KCNN3: variants seen among roughly 807,000 people sequenced by gnomAD.
KCNN3 encodes the protein small conductance calcium-activated potassium channel protein 3.
In KCNN3, 16 loss-of-function variants were observed where a neutral mutation model predicts 62.9. The observed-to-expected ratio is 0.25, with a 90% CI of 0.17 to 0.39. The LOEUF is 0.39. KCNN3 is among the 10% of genes least tolerant of loss of function. The pLI is 1.00. For missense variants in KCNN3, 599 were observed against 949.4 expected, an observed-to-expected ratio of 0.63 and a Z score of 4.85; for synonymous variants, 370 against 389.2, an observed-to-expected ratio of 0.95 and a Z score of 0.58.
chr1:154,765,144 C>A (rs867275397), intron 3 of KCNN3, among the ~76,000 whole-genome samples: 2 of 152,248 alleles, frequency 1.3e-5, no homozygotes, highest in South Asian at 2.1e-4. Context: ...AGGGGTGGCT[C>A]CTCCTGTCCC....
rs535960964 is a variant in KCNN3, at chr1:154,793,966, C to T, written c.1030-21573G>A. 7.9e-5 allele frequency among the ~76,000 whole-genome samples: 12 copies of T among 152,280 alleles called. No individual in the cohort carries two copies. In the South Asian group the frequency reaches 1.0e-3, roughly 13 times the overall value. On this transcript the variant is annotated intron_variant, in intron 2 of 7. Transcript: ENST00000271915. Reference sequence around the variant, plus strand: ...GTTCCTCACTGATGCATCCAGCCCTCGAATGTGCACAGCACTGTCCCAGGG... The same window carrying T: ...GTTCCTCACTGATGCATCCAGCCCTTGAATGTGCACAGCACTGTCCCAGGG...
rs1699906568 is a variant in KCNN3 at position 154,703,449 on chromosome 1, G to A, written c.*4527C>T. 1 of 152,180 alleles carries A rather than the reference G, an allele frequency of 6.6e-6. No homozygotes were observed. The highest frequency in any genetic ancestry group is 2.4e-5 in the African/African-American group (1 of 41,456). 9.4% of individuals were successfully genotyped at this position (152,180 alleles called of 1,614,324 possible). ...AATCAAACCCTGCAGAGTCAATAGG[G>A]ATCCTTCATCTGCTTCTAGCAACTC... is the stretch of plus-strand genomic sequence containing the variant. On this transcript the variant is annotated 3_prime_UTR_variant, in exon 8 of 8. Transcript: ENST00000271915.
chr1:154,712,176 T>C (rs1330197695), intron 7 of KCNN3, among the ~76,000 whole-genome samples: 3 of 152,218 alleles, frequency 2.0e-5, no homozygotes, highest in Admixed American at 1.3e-4. Context: ...TCCTGCAGTC[T>C]GGCCACATGT....
chr1:154,825,598 C>G, intron 1 of KCNN3, among the ~76,000 whole-genome samples: 1 of 151,056 alleles, frequency 6.6e-6, no homozygotes, highest in African/African-American at 2.4e-5. Flanking sequence ...GATCTCCTGG[C>G]CTCAAGTGAT....
intron 2 of KCNN3, among the ~76,000 whole-genome samples, chr1:154,788,513 G>A (rs1231039984): frequency 6.6e-6 from 1 of 152,164 alleles, no homozygotes; most frequent in Non-Finnish European, 1.5e-5. Flanking sequence ...GGAACACTGG[G>A]AAATGCAGGG....
rs1699893804 is a variant in KCNN3, at chr1:154,703,162, C to T, written c.*4814G>A. 6.6e-6 allele frequency: 1 copy of T among 152,138 alleles called. No homozygotes were observed. Among genetic ancestry groups the T allele is most frequent in the Admixed American group, 6.5e-5 (1 of 15,272 alleles). The allele number at this position is 152,138 out of a possible 1,614,324, so 9.4% of individuals were successfully genotyped here. A position where few individuals can be genotyped will look rare whatever the true frequency, so the allele number is the denominator to read the frequency against. On this transcript the variant is annotated 3_prime_UTR_variant, in exon 8 of 8. Transcript: ENST00000271915. ...CAATAAAAATCTACATATTACTCGT[C>T]TAACAGGAGTTTAACATTAATTTCT...
intron 6 of KCNN3, among the ~76,000 whole-genome samples, chr1:154,714,079 G>GAGTGAGACAGAGAGAGAGGAGCATGA (rs1700138940): frequency 8.4e-6 from 1 of 118,876 alleles, no homozygotes; most frequent in Admixed American, 8.4e-5. Context: ...GTTTGTGTGT[G>GAGTGAGACAGAGAGAGAGGAGCATGA]GTGTTTGTGT....
chr1:154,742,719 G>A (rs1334188678), intron 3 of KCNN3, among the ~76,000 whole-genome samples: 2 of 152,240 alleles, frequency 1.3e-5, no homozygotes, highest in African/African-American at 4.8e-5. Flanking sequence ...GAAGCAGGGT[G>A]TAATGATGCC....
Position 154,707,807 on chromosome 1 carries a change from C to T in KCNN3, c.*169G>A. 1.3e-6 allele frequency: 1 copy of T among 745,148 alleles called. No individual in the cohort carries two copies. The highest frequency in any genetic ancestry group is 2.2e-6 in the Non-Finnish European group (1 of 462,972). 46.2% of individuals were successfully genotyped at this position (745,148 alleles called of 1,614,324 possible). ...TAAACAGAGATTAGATTTCTGGTTT[C>T]AAGGCATGTCGGACCAAGCACGCTG... On this transcript the variant is annotated 3_prime_UTR_variant, in exon 8 of 8. Coordinates refer to ENST00000271915, the MANE Select transcript of KCNN3 (RefSeq NM_002249.6).
chr1:154,717,662 G>A (rs1158061498), intron 5 of KCNN3, among the ~76,000 whole-genome samples: 4 of 151,872 alleles, frequency 2.6e-5, no homozygotes, highest in African/African-American at 7.2e-5. Context: ...GTCACAGCAC[G>A]GCCCGGGTAG....
chr1:154,788,865 T>G (rs1314462822), intron 2 of KCNN3, among the ~76,000 whole-genome samples: 1 of 152,190 alleles, frequency 6.6e-6, no homozygotes, highest in Non-Finnish European at 1.5e-5. Context: ...GGCCTTATTA[T>G]TGAAAGATGA....
intron 2 of KCNN3, among the ~76,000 whole-genome samples, chr1:154,788,032 C>T (rs1649361061): frequency 6.6e-6 from 1 of 152,134 alleles, no homozygotes; most frequent in Non-Finnish European, 1.5e-5. Context: ...GAGGGGCATG[C>T]TAGGGTCTGG....
At chr1:154,782,530 C>A (rs56101645) in intron 2 of KCNN3, among the ~76,000 whole-genome samples, 19,082 of 152,106 alleles carry the variant, frequency 0.13, 1,233 homozygotes, top group East Asian at 0.22. Flanking sequence ...TAGACCTCAT[C>A]CTTATGACCT....
intron 1 of KCNN3, among the ~76,000 whole-genome samples, chr1:154,837,151 T>C (rs1571324221): frequency 6.6e-6 from 1 of 151,016 alleles, no homozygotes. Flanking sequence ...TGGGCTGGAG[T>C]GCAGTGGCAC....
At position 154,699,413 on chromosome 1, in the gene KCNN3, CTATG is replaced by C. The variant is rs984107761; in HGVS notation, c.*8559_*8562del. 6 of 151,874 alleles carry C rather than the reference CTATG, an allele frequency of 4.0e-5. No homozygotes were observed. The highest frequency in any genetic ancestry group is 1.5e-4 in the African/African-American group (6 of 41,308). The allele number at this position is 151,874 out of a possible 1,614,324, so 9.4% of individuals were successfully genotyped here. A position where few individuals can be genotyped will look rare whatever the true frequency, so the allele number is the denominator to read the frequency against. ...AATGTGCGGGTATATGTGTGTGCACCTATGTATGTATAAATCTGTAAATATTTGC... is the reference window on the plus strand; with the variant it reads ...AATGTGCGGGTATATGTGTGTGCACCTATGTATAAATCTGTAAATATTTGC... On this transcript the variant is annotated 3_prime_UTR_variant, in exon 8 of 8. Coordinates refer to ENST00000271915, the MANE Select transcript of KCNN3 (RefSeq NM_002249.6).
intron 2 of KCNN3, among the ~76,000 whole-genome samples, chr1:154,806,326 T>C (rs1366292232): frequency 6.6e-6 from 1 of 152,208 alleles, no homozygotes; most frequent in Non-Finnish European, 1.5e-5. Flanking sequence ...GCAGTGGTGA[T>C]CTCCTTAGCA....
chr1:154,778,694 C>T (rs763622226), intron 2 of KCNN3, among the ~76,000 whole-genome samples: 12 of 150,434 alleles, frequency 8.0e-5, no homozygotes, highest in African/African-American at 1.2e-4. Flanking sequence ...ATCTGCCTCC[C>T]GGGTTCAAGC....
intron 3 of KCNN3, among the ~76,000 whole-genome samples, chr1:154,755,937 G>A: frequency 7.5e-6 from 1 of 133,426 alleles, no homozygotes; most frequent in East Asian, 2.3e-4. Flanking sequence ...AGAGGTGGAG[G>A]ATGGGGAGGG....
chr1:154,715,599 C>CTCCT (rs201276367), intron 5 of KCNN3, among the ~76,000 whole-genome samples: 18 of 146,972 alleles, frequency 1.2e-4, no homozygotes, highest in African/African-American at 4.0e-4. Flanking sequence ...CTCTTTCTTT[C>CTCCT]TCCTTCCTTC....
Sources: allele counts gnomAD v4.1 joint callset (sites outside exome capture counted in the v4.1 genomes callset), GRCh38; gene constraint gnomAD v4.1.1; transcripts MANE v1.5; gene names NCBI Gene and HGNC (gene_info 2026-07-23, HGNC 2026-07-21).